Variants in ANKS1B observed in about 807,000 individuals in gnomAD.
The protein encoded by ANKS1B is ankyrin repeat and sterile alpha motif domain-containing protein 1B.
ANKS1B carries 36 observed loss-of-function variants against 148.3 expected under a neutral mutation model. That is an observed-to-expected ratio of 0.24 (90% CI 0.19 to 0.32). ANKS1B has a LOEUF of 0.32. ANKS1B is among the 10% of genes least tolerant of loss of function. ANKS1B has a pLI of 1.00. For synonymous variants in ANKS1B, 542 were observed against 560.8 expected (o/e 0.97, Z 0.47); for missense variants, 1,157 against 1,542.6 (o/e 0.75, Z 4.19).
chr12:98,764,235 T>A (rs2098451455), intron 25 of ANKS1B, among the ~76,000 whole-genome samples: 1 of 152,186 alleles, frequency 6.6e-6, no homozygotes, highest in South Asian at 2.1e-4. Flanking sequence ...ACTAACTTTT[T>A]GTTTTTTTCA....
chr12:99,834,817 C>T (rs552247604), intron 1 of ANKS1B, among the ~76,000 whole-genome samples: 4 of 152,208 alleles, frequency 2.6e-5, no homozygotes, highest in South Asian at 4.1e-4. Flanking sequence ...GAGATCACGC[C>T]GAGGCATCAG....
At chr12:99,834,815 G>A (rs902703067) in intron 1 of ANKS1B, among the ~76,000 whole-genome samples, 10 of 152,054 alleles carry the variant, frequency 6.6e-5, no homozygotes, top group East Asian at 3.9e-4. Flanking sequence ...ATGAGATCAC[G>A]CCGAGGCATC....
intron 14 of ANKS1B, among the ~76,000 whole-genome samples, chr12:99,233,129 G>A (rs897826023): frequency 2.6e-5 from 4 of 151,956 alleles, no homozygotes; most frequent in African/African-American, 9.7e-5. Context: ...AATAACAAAT[G>A]AATTTCATGT....
At chr12:98,794,807 A>G (rs981085939) in intron 22 of ANKS1B, 32 of 1,551,992 alleles carry the variant, frequency 2.1e-5, no homozygotes, top group Non-Finnish European at 2.7e-5. Context: ...AGCTTAATGA[A>G]CAGATTGAAG....
rs550006317 is a variant in ANKS1B at position 99,075,830 on chromosome 12, TATATA to T, written c.2625+9090_2625+9094del. On this transcript the variant is annotated intron_variant, in intron 16 of 26. Coordinates refer to ENST00000683438, the MANE Select transcript of ANKS1B (RefSeq NM_001352186.2). ...ATACAACAAAAAATGTATTATCGTA[TATATA>T]ATATATGTTTTATATTATATATACT... Among the ~76,000 whole-genome samples, 745 of 98,334 alleles carry T rather than the reference TATATA, an allele frequency of 7.6e-3. 6 individuals carry two copies. The highest frequency in any genetic ancestry group is 0.014 in the Admixed American group (110 of 8,100). 64.5% of individuals were successfully genotyped at this position (98,334 alleles called of 152,430 possible).
At chr12:99,238,483 A>G (rs1468202388) in intron 14 of ANKS1B, among the ~76,000 whole-genome samples, 1 of 152,220 alleles carries the variant, frequency 6.6e-6, no homozygotes, top group Non-Finnish European at 1.5e-5. Context: ...GGAAGGGCAT[A>G]GCAGAACAAA....
chr12:99,385,323 G>A (rs2093816494), intron 12 of ANKS1B, among the ~76,000 whole-genome samples: 1 of 152,080 alleles, frequency 6.6e-6, no homozygotes, highest in Non-Finnish European at 1.5e-5. Flanking sequence ...ACAAAAATCA[G>A]CTGGGCGTGC....
chr12:99,288,320 T>A (rs2079422231), intron 12 of ANKS1B, among the ~76,000 whole-genome samples: 1 of 152,116 alleles, frequency 6.6e-6, no homozygotes, highest in South Asian at 2.1e-4. Flanking sequence ...GGTGAAAATA[T>A]CCTTCAAACA....
intron 15 of ANKS1B, among the ~76,000 whole-genome samples, chr12:99,125,165 C>T (rs1334730679): frequency 6.6e-6 from 1 of 152,034 alleles, no homozygotes; most frequent in Non-Finnish European, 1.5e-5. Flanking sequence ...TGATGATGTG[C>T]GTGAGAGCAG....
At chr12:99,784,967 A>G (rs533013798) in intron 4 of ANKS1B, among the ~76,000 whole-genome samples, 7 of 152,314 alleles carry the variant, frequency 4.6e-5, no homozygotes, top group African/African-American at 1.7e-4. Context: ...GCGGAAATGT[A>G]GGCCACATCT....
chr12:99,486,084 A>C lies in ANKS1B; in HGVS notation c.1438+18392T>G, dbSNP rs117726363. 3.8e-4 allele frequency among the ~76,000 whole-genome samples: 58 copies of C among 152,262 alleles called. No individual in the cohort carries two copies. In the East Asian group the frequency reaches 9.5e-3, roughly 25 times the overall value. On this transcript the variant is annotated intron_variant, in intron 10 of 26. Coordinates refer to ENST00000683438, the MANE Select transcript of ANKS1B (RefSeq NM_001352186.2). ...CTGGAGAGCTAGTGTGATCTTTCAG[A>C]GATGTTATAGAATCCTGTTTTGTCA... is the stretch of plus-strand genomic sequence containing the variant.
At chr12:99,794,460 TACACACACACAC>T (rs148663206) in intron 4 of ANKS1B, among the ~76,000 whole-genome samples, 71 of 143,662 alleles carry the variant, frequency 4.9e-4, no homozygotes, top group African/African-American at 1.6e-3. Flanking sequence ...GAAAATGTGG[TACACACACACAC>T]ACACACACAC....
At chr12:99,520,775 T>C (rs1177048029) in intron 9 of ANKS1B, among the ~76,000 whole-genome samples, 1 of 152,094 alleles carries the variant, frequency 6.6e-6, no homozygotes, top group African/African-American at 2.4e-5. Flanking sequence ...TTGCTTCCTC[T>C]GACTGTGTTT....
rs538946710 is a variant in ANKS1B at position 99,817,422 on chromosome 12, G to A, written c.216-5111C>T. Among the ~76,000 whole-genome samples, 116 of 151,492 alleles carry A rather than the reference G, an allele frequency of 7.7e-4. 1 individual carries two copies. The highest frequency in any genetic ancestry group is 2.8e-3 in the African/African-American group (114 of 41,412). On this transcript the variant is annotated intron_variant, in intron 2 of 26. Coordinates refer to ENST00000683438, the MANE Select transcript of ANKS1B (RefSeq NM_001352186.2). ...ACTTTATCTGTTCACTTGTTAATAA[G>A]TAGGTTGATCCCATATCTTAGCTAT...
At chr12:98,865,535 G>T (rs1004922353) in intron 17 of ANKS1B, among the ~76,000 whole-genome samples, 12 of 152,104 alleles carry the variant, frequency 7.9e-5, no homozygotes, top group African/African-American at 2.9e-4. Context: ...TTCTAGCAGG[G>T]GAGAAGGATC....
chr12:98,784,392 C>G (rs1396953962), intron 22 of ANKS1B, among the ~76,000 whole-genome samples: 1 of 152,098 alleles, frequency 6.6e-6, no homozygotes, highest in Non-Finnish European at 1.5e-5. Context: ...TCACAGAAGC[C>G]AAAGAGGAGA....
At chr12:99,833,022 A>T (rs1326420069) in intron 1 of ANKS1B, among the ~76,000 whole-genome samples, 1 of 152,234 alleles carries the variant, frequency 6.6e-6, no homozygotes, top group Non-Finnish European at 1.5e-5. Flanking sequence ...CACGACTATA[A>T]GAAAGTTACT....
intron 8 of ANKS1B, among the ~76,000 whole-genome samples, chr12:99,731,459 T>TGTGTGTGTGTG (rs1567736260): frequency 2.7e-5 from 4 of 148,062 alleles, no homozygotes; most frequent in East Asian, 2.0e-4. Flanking sequence ...TGTGTGTGTG[T>TGTGTGTGTGTG]TTTAATTATC....
chr12:98,792,713 CTG>C (rs1566567989), intron 22 of ANKS1B, among the ~76,000 whole-genome samples: 1 of 152,122 alleles, frequency 6.6e-6, no homozygotes, highest in Non-Finnish European at 1.5e-5. Context: ...ATTTGTCTTT[CTG>C]TGTCTGGCCT....
Sources: allele counts gnomAD v4.1 joint callset (sites outside exome capture counted in the v4.1 genomes callset), GRCh38; gene constraint gnomAD v4.1.1; transcripts MANE v1.5; gene names NCBI Gene and HGNC (gene_info 2026-07-23, HGNC 2026-07-21).